EFCAB6: variants seen among roughly 807,000 people sequenced by gnomAD.
The protein encoded by EFCAB6 is EF-hand calcium binding domain 6.
In EFCAB6, 156 loss-of-function variants were observed where a neutral mutation model predicts 169.8. The observed-to-expected ratio is 0.92, with a 90% CI of 0.81 to 1.05. The LOEUF (loss-of-function observed/expected upper bound fraction) is 1.05. Ranked by LOEUF, EFCAB6 falls within the 50% of genes least tolerant of loss-of-function variation. The pLI, the probability that EFCAB6 is intolerant of heterozygous loss-of-function variation, is 0.00. For missense variants in EFCAB6, 1,800 were observed against 1,829.1 expected (o/e 0.98, Z 0.29); for synonymous variants, 698 against 676.4 (o/e 1.03, Z -0.50).
chr22:43,534,657 G>A (rs376133128), intron 30 of EFCAB6, 31 bp downstream of exon 30: 41 of 1,564,360 alleles, frequency 2.6e-5, no homozygotes, highest in Non-Finnish European at 3.4e-5. Context: ...TTTCCACCTG[G>A]CCCCACATTT....
At chr22:43,625,474 C>T (rs1320212730) in intron 20 of EFCAB6, among the ~76,000 whole-genome samples, 1 of 152,186 alleles carries the variant, frequency 6.6e-6, no homozygotes, top group South Asian at 2.1e-4. Flanking sequence ...AGCAGGGAGC[C>T]GATGGGGACG....
intron 10 of EFCAB6, among the ~76,000 whole-genome samples, chr22:43,701,153 C>G (rs2058750983): frequency 1.3e-5 from 2 of 152,270 alleles, no homozygotes; most frequent in East Asian, 3.9e-4. Flanking sequence ...TTTTCTGACT[C>G]CACCACTTTC....
At chr22:43,606,536 G>T (rs2052929516) in intron 22 of EFCAB6, among the ~76,000 whole-genome samples, 1 of 152,168 alleles carries the variant, frequency 6.6e-6, no homozygotes, top group Admixed American at 6.5e-5. Context: ...GGGTGACAGG[G>T]AACATCATCT....
chr22:43,658,305 C>G (rs749697126), intron 17 of EFCAB6, among the ~76,000 whole-genome samples: 5 of 152,162 alleles, frequency 3.3e-5, no homozygotes, highest in Non-Finnish European at 5.9e-5. Flanking sequence ...GGGAGTAAAA[C>G]TGCAAGGCGG....
chr22:43,614,877 G>A (rs1270198213), intron 21 of EFCAB6, among the ~76,000 whole-genome samples: 1 of 151,376 alleles, frequency 6.6e-6, no homozygotes, highest in African/African-American at 2.4e-5. Context: ...GGAGTCCACA[G>A]CACAGACAGT....
intron 13 of EFCAB6, among the ~76,000 whole-genome samples, chr22:43,676,087 C>T (rs781603299): frequency 6.6e-6 from 1 of 151,676 alleles, no homozygotes; most frequent in Non-Finnish European, 1.5e-5. Context: ...CATCATATAA[C>T]GTGAAGCTGA....
Position 43,716,840 on chromosome 22 carries a change from C to T in EFCAB6, c.882+8G>A, listed in dbSNP as rs762722825. ...TGTAGGTAATTGTGGCTTAGGAAAA[C>T]ATCTTACTTGTAGACAAAAGTTCCT... On this transcript the variant is annotated splice_region_variant and intron_variant, in intron 9 of 31. Transcript: ENST00000262726. The T allele has an allele frequency of 3.1e-6, 5 of 1,597,476 alleles. No homozygotes were observed. The highest frequency in any genetic ancestry group is 3.5e-5 in the Admixed American group (2 of 57,098).
intron 20 of EFCAB6, among the ~76,000 whole-genome samples, chr22:43,618,200 AAGAAAG>A (rs2053859298): frequency 6.8e-6 from 1 of 146,464 alleles, no homozygotes; most frequent in African/African-American, 2.5e-5. Flanking sequence ...GAAAGAAAGA[AAGAAAG>A]AAAGAAAGAA....
At chr22:43,542,862 G>A (rs867930563) in intron 27 of EFCAB6, among the ~76,000 whole-genome samples, 6 of 152,156 alleles carry the variant, frequency 3.9e-5, no homozygotes, top group East Asian at 1.9e-4. Flanking sequence ...GACATGAAAC[G>A]TGGGCAAGAC....
Position 43,530,976 on chromosome 22 carries a change from A to C in EFCAB6, c.4234-12T>G. ...GCGCCGGCTTCTTTCTAGACACAAGACAAGAAGGGGTGAGGAGGGAGCTTT... is the reference window on the plus strand; with the variant it reads ...GCGCCGGCTTCTTTCTAGACACAAGCCAAGAAGGGGTGAGGAGGGAGCTTT... On this transcript the variant is annotated splice_polypyrimidine_tract_variant and intron_variant, in intron 30 of 31. Coordinates refer to ENST00000262726, the MANE Select transcript of EFCAB6 (RefSeq NM_022785.4). The C allele has an allele frequency of 6.2e-7, 1 of 1,613,092 alleles. No individual in the cohort carries two copies. Among genetic ancestry groups the C allele is most frequent in the Non-Finnish European group, 8.5e-7 (1 of 1,179,632 alleles).
intron 19 of EFCAB6, among the ~76,000 whole-genome samples, chr22:43,629,066 AG>A (rs2054735746): frequency 6.6e-6 from 1 of 152,214 alleles, no homozygotes; most frequent in Admixed American, 6.5e-5. Flanking sequence ...TCTATCTACT[AG>A]GGAAGCAAGA....
intron 17 of EFCAB6, among the ~76,000 whole-genome samples, chr22:43,641,278 A>G (rs936790725): frequency 6.6e-6 from 1 of 152,196 alleles, no homozygotes; most frequent in Non-Finnish European, 1.5e-5. Flanking sequence ...AGATATGAGC[A>G]CCAAGTGGTC....
In EFCAB6 at chr22:43,670,354, T is replaced by C. The variant is rs530229160; in HGVS notation, c.1641-1309A>G. On this transcript the variant is annotated intron_variant, in intron 15 of 31. Transcript: ENST00000262726. ...AAAAGTGTCCCGAGACCAAAAGTGC[T>C]GAGAACCACTGACCCAGGGCACATT... 4.6e-5 allele frequency among the ~76,000 whole-genome samples: 7 copies of C among 152,332 alleles called. No individual in the cohort carries two copies. The East Asian group carries it at 1.3e-3, about 29-fold the overall frequency.
chr22:43,626,737 T>C (rs2054553515), intron 19 of EFCAB6, 58 bp from the exon 20 acceptor site: 2 of 1,531,604 alleles, frequency 1.3e-6, no homozygotes, highest in Non-Finnish European at 1.8e-6. Flanking sequence ...CGGCCACACA[T>C]GCACACCCCC....
At chr22:43,603,546 A>G (rs947663887) in intron 22 of EFCAB6, among the ~76,000 whole-genome samples, 24 of 152,264 alleles carry the variant, frequency 1.6e-4, no homozygotes, top group African/African-American at 5.8e-4. Flanking sequence ...TAATTTGAGT[A>G]TGTTCACATT....
chr22:43,774,924 C>A (rs564447035), intron 3 of EFCAB6, among the ~76,000 whole-genome samples: 1 of 151,912 alleles, frequency 6.6e-6, no homozygotes, highest in Non-Finnish European at 1.5e-5. Context: ...AACAACATAA[C>A]CCTATTTTCA....
chr22:43,679,900 G>T (rs1603184751), intron 12 of EFCAB6, among the ~76,000 whole-genome samples: 1 of 152,182 alleles, frequency 6.6e-6, no homozygotes, highest in African/African-American at 2.4e-5. Flanking sequence ...CCAGATATAT[G>T]ATTTGCATAT....
At chr22:43,792,487 T>G (rs1405274898) in intron 2 of EFCAB6, among the ~76,000 whole-genome samples, 2 of 152,080 alleles carry the variant, frequency 1.3e-5, no homozygotes, top group African/African-American at 2.4e-5. Flanking sequence ...AAAACAAGAT[T>G]GAAGAAATTA....
intron 3 of EFCAB6, among the ~76,000 whole-genome samples, chr22:43,774,322 T>C (rs2061569553): frequency 1.3e-5 from 2 of 150,788 alleles, no homozygotes; most frequent in Admixed American, 1.3e-4. Context: ...TGGGCTGGGC[T>C]GTCTTCTGCT....
Sources: gnomAD v4.1 joint callset for allele counts (sites outside exome capture counted in the v4.1 genomes callset) on GRCh38, gnomAD v4.1.1 for gene constraint, MANE v1.5 for transcripts, NCBI Gene and HGNC (gene_info 2026-07-23, HGNC 2026-07-21) for gene names.